Variants in GRM5 observed in about 807,000 individuals in gnomAD.
GRM5 encodes the protein metabotropic glutamate receptor 5.
In GRM5, 19 loss-of-function variants were observed where a neutral mutation model predicts 83.1. The observed-to-expected ratio is 0.23, with a 90% CI of 0.16 to 0.34. The LOEUF (loss-of-function observed/expected upper bound fraction) is 0.34, where lower values mean the gene tolerates loss of function less well. Ranked by LOEUF, GRM5 falls within the 10% of genes least tolerant of loss-of-function variation. The pLI is 1.00. For synonymous variants in GRM5, 675 were observed against 633.6 expected (o/e 1.07, Z -0.98); for missense variants, 1,160 against 1,588.3 (o/e 0.73, Z 4.58).
intron 2 of GRM5, among the ~76,000 whole-genome samples, chr11:88,994,321 C>T (rs1940096173): frequency 6.6e-6 from 1 of 151,730 alleles, no homozygotes; most frequent in African/African-American, 2.4e-5. Context: ...GCAATCTACA[C>T]ATTAAATGCA....
chr11:88,734,293 T>C (rs887273959), intron 3 of GRM5, among the ~76,000 whole-genome samples: 1 of 151,962 alleles, frequency 6.6e-6, no homozygotes, highest in African/African-American at 2.4e-5. Context: ...CAATAAGATA[T>C]CATCTCACAC....
intron 2 of GRM5, among the ~76,000 whole-genome samples, chr11:89,044,211 T>C (rs1342342633): frequency 1.3e-5 from 2 of 152,186 alleles, no homozygotes; most frequent in South Asian, 4.1e-4. Context: ...TTCTTCTGAG[T>C]CATTGCATAT....
At chr11:88,920,529 A>G (rs546292886) in intron 2 of GRM5, among the ~76,000 whole-genome samples, 1 of 152,158 alleles carries the variant, frequency 6.6e-6, no homozygotes, top group Admixed American at 6.5e-5. Flanking sequence ...GTTCCAATAT[A>G]TAGAGGAGGA....
chr11:88,932,633 A>T (rs1937752794), intron 2 of GRM5, among the ~76,000 whole-genome samples: 1 of 152,010 alleles, frequency 6.6e-6, no homozygotes, highest in East Asian at 1.9e-4. Flanking sequence ...ATAAATAGCT[A>T]TATATGTAAC....
At chr11:89,020,494 C>T (rs1205303439) in intron 2 of GRM5, among the ~76,000 whole-genome samples, 2 of 152,120 alleles carry the variant, frequency 1.3e-5, no homozygotes, top group South Asian at 2.1e-4. Context: ...TCAGTGGGTG[C>T]TGACAGTCAG....
intron 2 of GRM5, among the ~76,000 whole-genome samples, chr11:88,899,319 A>G (rs1046850097): frequency 2.6e-5 from 4 of 151,946 alleles, no homozygotes; most frequent in Non-Finnish European, 5.9e-5. Flanking sequence ...AATCTCTGTT[A>G]AATTTTATCT....
rs58683518 is a variant in GRM5, at chr11:88,820,225, CA to C, written c.911+29680del. Among the ~76,000 whole-genome samples, 198 of 135,626 alleles carry C rather than the reference CA, an allele frequency of 1.5e-3. 1 individual carries two copies. The highest frequency in any genetic ancestry group is 1.6e-3 in the Admixed American group (22 of 13,340). The allele number at this position is 135,626 out of a possible 152,430, so 89.0% of individuals were successfully genotyped here. A position where few individuals can be genotyped will look rare whatever the true frequency, so the allele number is the denominator to read the frequency against. On this transcript the variant is annotated intron_variant, in intron 3 of 9. Coordinates refer to ENST00000305447, the MANE Select transcript of GRM5 (RefSeq NM_001143831.3). ...GAAACCCCATCTCTACTAAAAAATA[CA>C]AAAAAAAAAAAATTAGCTGGGCTTG...
In GRM5 at chr11:89,053,464, C is replaced by A. The variant is rs537917958; in HGVS notation, c.-200-5392G>T. ...ACATAGAGTATAAATTCCAAATAGA[C>A]CTGAAAGGAATACATCAAATCTATC... On this transcript the variant is annotated intron_variant, in intron 1 of 9. Coordinates refer to ENST00000305447, the MANE Select transcript of GRM5 (RefSeq NM_001143831.3). 6.6e-5 allele frequency among the ~76,000 whole-genome samples: 10 copies of A among 152,106 alleles called. No individual in the cohort carries two copies. The East Asian group carries it at 1.9e-3, about 29-fold the overall frequency.
intron 3 of GRM5, among the ~76,000 whole-genome samples, chr11:88,767,228 T>C (rs1370166683): frequency 1.3e-5 from 2 of 151,930 alleles, no homozygotes; most frequent in Non-Finnish European, 2.9e-5. Flanking sequence ...TATACACTAC[T>C]AGTGGGAGTG....
chr11:88,960,468 A>G (rs1317802695), intron 2 of GRM5, among the ~76,000 whole-genome samples: 5 of 152,230 alleles, frequency 3.3e-5, no homozygotes, highest in Non-Finnish European at 5.9e-5. Context: ...GGCAAAGACA[A>G]ATATTTCCTA....
In GRM5 at chr11:88,505,597, G is replaced by A. The variant is rs911144042; in HGVS notation, c.*2995C>T. 1 of 152,154 alleles carries A rather than the reference G, an allele frequency of 6.6e-6. No individual in the cohort carries two copies. The highest frequency in any genetic ancestry group is 1.5e-5 in the Non-Finnish European group (1 of 68,018). 9.4% of individuals were successfully genotyped at this position (152,154 alleles called of 1,614,324 possible). On this transcript the variant is annotated 3_prime_UTR_variant, in exon 10 of 10. Transcript: ENST00000305447. ...TCCCCATCCCTAGCCCAGAAAGACG[G>A]TTCTTCCCAATCCAGATATGTTCTT...
intron 2 of GRM5, among the ~76,000 whole-genome samples, chr11:88,971,860 G>A (rs929462190): frequency 1.3e-5 from 2 of 152,092 alleles, no homozygotes; most frequent in African/African-American, 4.8e-5. Flanking sequence ...TCCTGGGGAA[G>A]AGTACCTGAC....
intron 2 of GRM5, among the ~76,000 whole-genome samples, chr11:89,033,376 T>C (rs1221054111): frequency 6.6e-6 from 1 of 151,942 alleles, no homozygotes; most frequent in Admixed American, 6.6e-5. Flanking sequence ...AAGTTTTACA[T>C]ATTCAAGCTG....
intron 3 of GRM5, among the ~76,000 whole-genome samples, chr11:88,764,032 G>A (rs1208497072): frequency 6.6e-6 from 1 of 151,332 alleles, no homozygotes; most frequent in African/African-American, 2.4e-5. Context: ...AAAAAGATAC[G>A]CCATGCAAAT....
At chr11:88,515,183 A>G (rs574931892) in intron 9 of GRM5, among the ~76,000 whole-genome samples, 1 of 152,312 alleles carries the variant, frequency 6.6e-6, no homozygotes, top group East Asian at 1.9e-4. Context: ...AAGCACCTTA[A>G]CAAAGGAGAA....
intron 2 of GRM5, among the ~76,000 whole-genome samples, chr11:88,916,412 C>G (rs1945593618): frequency 6.6e-6 from 1 of 151,964 alleles, no homozygotes; most frequent in African/African-American, 2.4e-5. Context: ...TGACTTGTCA[C>G]AGGGGAAAGT....
At chr11:89,055,571 A>C (rs1445516127) in intron 1 of GRM5, among the ~76,000 whole-genome samples, 2 of 152,144 alleles carry the variant, frequency 1.3e-5, no homozygotes, top group Non-Finnish European at 2.9e-5. Context: ...GATTCATAGC[A>C]GACCTGGGAC....
intron 2 of GRM5, among the ~76,000 whole-genome samples, chr11:88,956,566 G>C (rs1938621255): frequency 6.6e-6 from 1 of 151,088 alleles, no homozygotes; most frequent in African/African-American, 2.4e-5. Flanking sequence ...CAGCACTTTC[G>C]GCGGCCGAGG....
At chr11:88,604,351 AT>A (rs1282775790) in intron 5 of GRM5, among the ~76,000 whole-genome samples, 2 of 152,222 alleles carry the variant, frequency 1.3e-5, no homozygotes, top group Admixed American at 6.5e-5. Flanking sequence ...AATTGTTCCT[AT>A]TTCAGAATAG....
Sources: allele counts gnomAD v4.1 joint callset (sites outside exome capture counted in the v4.1 genomes callset), GRCh38; gene constraint gnomAD v4.1.1; transcripts MANE v1.5; gene names NCBI Gene and HGNC (gene_info 2026-07-23, HGNC 2026-07-21).